The following ZMYM2 variants were observed in gnomAD, a reference collection of about 807,000 sequenced individuals.
The protein encoded by ZMYM2 is zinc finger MYM-type protein 2.
A neutral mutation model predicts 162.8 loss-of-function variants in ZMYM2; 56 were observed. The ratio of observed to expected loss-of-function variants is 0.34; its 90% confidence interval spans 0.28 to 0.43. ZMYM2 has a LOEUF of 0.43. ZMYM2 is among the 20% of genes least tolerant of loss of function. The pLI is 1.00. For missense variants in ZMYM2, 1,275 were observed against 1,621.8 expected, an observed-to-expected ratio of 0.79 and a Z score of 3.67; for synonymous variants, 510 against 541.6, an observed-to-expected ratio of 0.94 and a Z score of 0.81.
chr13:20,057,294 T>G (rs1215926468), intron 14 of ZMYM2, among the ~76,000 whole-genome samples: 1 of 151,682 alleles, frequency 6.6e-6, no homozygotes, highest in Non-Finnish European at 1.5e-5. Context: ...TTATTTTTAT[T>G]TATTTATTTA....
chr13:19,972,729 T>C (rs913813272), intron 2 of ZMYM2, among the ~76,000 whole-genome samples: 2 of 152,008 alleles, frequency 1.3e-5, no homozygotes, highest in African/African-American at 2.4e-5. Context: ...ATGCATATTA[T>C]ATATTTTAAT....
At chr13:20,067,511 A>G (rs1175786100) in intron 21 of ZMYM2, 121 bp downstream of exon 21, 25 of 1,011,528 alleles carry the variant, frequency 2.5e-5, no homozygotes, top group Non-Finnish European at 3.2e-5. Context: ...ACAAAGTTGT[A>G]TGTTTGCTGC....
intron 21 of ZMYM2, among the ~76,000 whole-genome samples, chr13:20,074,959 C>A (rs896297777): frequency 6.6e-6 from 1 of 152,068 alleles, no homozygotes; most frequent in Non-Finnish European, 1.5e-5. Flanking sequence ...CTACAGTTTA[C>A]CAAAATTTTT....
intron 12 of ZMYM2, among the ~76,000 whole-genome samples, chr13:20,049,635 T>G (rs977005522): frequency 4.6e-5 from 7 of 152,106 alleles, no homozygotes; most frequent in African/African-American, 1.7e-4. Context: ...AGGTTTTGAA[T>G]TGGTTGTCTG....
chr13:19,917,402 G>A, the ZMYM2 span, among the ~76,000 whole-genome samples: 10 of 151,024 alleles, frequency 6.6e-5, no homozygotes, highest in South Asian at 2.1e-4. Context: ...CAGCCTGGCC[G>A]ATATGATGAA....
At chr13:20,040,012 C>T (rs1022336496) in intron 12 of ZMYM2, among the ~76,000 whole-genome samples, 5 of 152,066 alleles carry the variant, frequency 3.3e-5, no homozygotes, top group Non-Finnish European at 5.9e-5. Context: ...AGGATTTTGG[C>T]GTTGATGTTC....
chr13:19,906,295 T>TATATATATATATATAC, the ZMYM2 span, among the ~76,000 whole-genome samples: 14 of 99,630 alleles, frequency 1.4e-4, no homozygotes, highest in African/African-American at 4.9e-4. Context: ...TATATATATA[T>TATATATATATATATAC]ATATATATAT....
intron 2 of ZMYM2, among the ~76,000 whole-genome samples, chr13:19,983,866 G>T (rs1337256265): frequency 6.6e-6 from 1 of 152,070 alleles, no homozygotes; most frequent in Non-Finnish European, 1.5e-5. Flanking sequence ...GGGCTCAAGA[G>T]ATCTGCCCGC....
chr13:20,014,007 T>G (rs1186838394), intron 6 of ZMYM2, among the ~76,000 whole-genome samples: 1 of 152,278 alleles, frequency 6.6e-6, no homozygotes, highest in East Asian at 1.9e-4. Context: ...TGTTAATTCT[T>G]TAAATGTTTG....
intron 2 of ZMYM2, among the ~76,000 whole-genome samples, chr13:19,971,262 A>ATATATATATATATATATATTTTT (rs1329532735): frequency 2.6e-5 from 2 of 78,330 alleles, no homozygotes; most frequent in Non-Finnish European, 4.8e-5. Flanking sequence ...ATATATATAT[A>ATATATATATATATATATATTTTT]TTTTTTTTTT....
chr13:19,979,472 G>T (rs1957115489), intron 2 of ZMYM2, among the ~76,000 whole-genome samples: 2 of 147,742 alleles, frequency 1.4e-5, no homozygotes, highest in African/African-American at 5.0e-5. Flanking sequence ...CTTGTTTGTA[G>T]GCACTGGAGT....
the ZMYM2 span, among the ~76,000 whole-genome samples, chr13:19,889,625 G>A: frequency 4.6e-5 from 7 of 151,928 alleles, no homozygotes; most frequent in African/African-American, 1.7e-4. Flanking sequence ...TTTACGTCTG[G>A]TGCCCTGTTT....
At chr13:19,997,794 G>A (rs902569789) in intron 3 of ZMYM2, among the ~76,000 whole-genome samples, 1 of 152,092 alleles carries the variant, frequency 6.6e-6, no homozygotes, top group African/African-American at 2.4e-5. Flanking sequence ...CATAGCATAG[G>A]TACAGTTTTG....
At chr13:20,072,749 T>C (rs1008085330) in intron 21 of ZMYM2, among the ~76,000 whole-genome samples, 1 of 151,958 alleles carries the variant, frequency 6.6e-6, no homozygotes, top group African/African-American at 2.4e-5. Flanking sequence ...ATCAACTGTT[T>C]AGATTTCCTG....
intron 2 of ZMYM2, among the ~76,000 whole-genome samples, chr13:19,966,072 C>CT (rs1955737114): frequency 1.3e-5 from 2 of 151,606 alleles, no homozygotes; most frequent in African/African-American, 4.8e-5. Flanking sequence ...AGCCACCGCA[C>CT]CAGGCCTGAA....
intron 2 of ZMYM2, among the ~76,000 whole-genome samples, chr13:19,980,016 T>C (rs1268707217): frequency 6.6e-6 from 1 of 152,188 alleles, no homozygotes; most frequent in Admixed American, 6.5e-5. Context: ...TTCATCTGTT[T>C]TTTTTATGTC....
At chr13:20,041,947 G>A (rs1037483116) in intron 12 of ZMYM2, among the ~76,000 whole-genome samples, 3 of 152,098 alleles carry the variant, frequency 2.0e-5, no homozygotes, top group African/African-American at 7.2e-5. Flanking sequence ...ATGAGTTTCC[G>A]TTTGTAGGTG....
At chr13:20,058,442 A>G in intron 14 of ZMYM2, 133 bp from the exon 15 acceptor site, 7 of 1,036,008 alleles carry the variant, frequency 6.8e-6, no homozygotes, top group Non-Finnish European at 9.6e-6. Flanking sequence ...GAACATAGGG[A>G]TAATAGCATA....
At chr13:19,879,554 C>G in the ZMYM2 span, among the ~76,000 whole-genome samples, 1 of 152,150 alleles carries the variant, frequency 6.6e-6, no homozygotes, top group South Asian at 2.1e-4. Context: ...TATTGTAGCT[C>G]TATAGTAAGT....
Sources: gnomAD v4.1 joint callset for allele counts (sites outside exome capture counted in the v4.1 genomes callset) on GRCh38, gnomAD v4.1.1 for gene constraint, MANE v1.5 for transcripts, NCBI Gene and HGNC (gene_info 2026-07-23, HGNC 2026-07-21) for gene names.